SCML4: variants seen among roughly 807,000 people sequenced by gnomAD.
The protein encoded by SCML4 is sex comb on midleg-like protein 4.
In SCML4, 34 loss-of-function variants were observed where a neutral mutation model predicts 41.1. The observed-to-expected ratio is 0.83, with a 90% CI of 0.63 to 1.10. SCML4 has a LOEUF of 1.10. Ranked by LOEUF, SCML4 falls within the 50% of genes least tolerant of loss-of-function variation. SCML4 has a pLI of 0.00. For missense variants in SCML4, 522 were observed against 534.1 expected, an observed-to-expected ratio of 0.98 and a Z score of 0.22; for synonymous variants, 214 against 220.9, an observed-to-expected ratio of 0.97 and a Z score of 0.28.
At chr6:107,752,894 A>T (rs1428989833) in intron 2 of SCML4, among the ~76,000 whole-genome samples, 1 of 152,188 alleles carries the variant, frequency 6.6e-6, no homozygotes, top group Non-Finnish European at 1.5e-5. Context: ...GGGCATGGGA[A>T]ATGCAATTGA....
At chr6:107,778,222 A>AAAAAAATAT (rs1554218145) in intron 1 of SCML4, among the ~76,000 whole-genome samples, 3 of 15,526 alleles carry the variant, frequency 1.9e-4, no homozygotes, top group Non-Finnish European at 4.6e-4. Flanking sequence ...AAAAAAAAAA[A>AAAAAAATAT]ATATATATAT....
intron 6 of SCML4, among the ~76,000 whole-genome samples, chr6:107,717,452 C>T (rs6568486): frequency 0.65 from 99,322 of 152,036 alleles, 33,505 homozygotes; most frequent in Admixed American, 0.77. Flanking sequence ...GGTGGCTTTG[C>T]GATTTTAAAC....
chr6:107,727,941 GGCATGAT>G (rs757184645), intron 5 of SCML4, among the ~76,000 whole-genome samples: 4 of 152,170 alleles, frequency 2.6e-5, no homozygotes, highest in Non-Finnish European at 5.9e-5. Context: ...TGCAGTATCT[GGCATGAT>G]GCCTGGAATA....
rs946704372 is a variant in SCML4 at position 107,775,982 on chromosome 6, T to A, written c.-59-3596A>T. Among the ~76,000 whole-genome samples the A allele has an allele frequency of 1.6e-4, 24 of 152,120 alleles. 1 individual carries two copies. Among genetic ancestry groups the A allele is most frequent in the East Asian group, 3.9e-4 (2 of 5,182 alleles). The stretch of plus-strand genomic sequence containing the variant: ...AATAAATAAAATTTTACCTATATTT[T>A]AAAAAAATATTTTTAGAAATTCCCA... On this transcript the variant is annotated intron_variant, in intron 1 of 7. Coordinates refer to ENST00000369020, the MANE Select transcript of SCML4 (RefSeq NM_198081.5).
chr6:107,810,492 T>C (rs1321030132), intron 1 of SCML4, among the ~76,000 whole-genome samples: 1 of 152,034 alleles, frequency 6.6e-6, no homozygotes, highest in East Asian at 1.9e-4. Flanking sequence ...CAGTTCTTCT[T>C]TAAAAGGGAT....
intron 6 of SCML4, among the ~76,000 whole-genome samples, chr6:107,714,513 A>T (rs1774556896): frequency 6.6e-6 from 1 of 152,190 alleles, no homozygotes; most frequent in South Asian, 2.1e-4. Context: ...TCACAATTGT[A>T]ATGAAATTAG....
intron 2 of SCML4, among the ~76,000 whole-genome samples, chr6:107,768,790 G>A (rs1009278909): frequency 1.3e-5 from 2 of 152,126 alleles, no homozygotes; most frequent in South Asian, 2.1e-4. Context: ...TTTTATTGGG[G>A]ACAAACAACT....
chr6:107,818,488 A>G (rs1784712294), intron 1 of SCML4, among the ~76,000 whole-genome samples: 1 of 152,222 alleles, frequency 6.6e-6, no homozygotes. Flanking sequence ...TTAATAGCTA[A>G]TTGTTTGATA....
rs1015264813 is a variant in SCML4 at position 107,799,654 on chromosome 6, A to G, written c.-60+24472T>C. 2.0e-5 allele frequency among the ~76,000 whole-genome samples: 3 copies of G among 151,900 alleles called. No homozygotes were observed. The East Asian group carries it at 5.8e-4, about 29-fold the overall frequency. ...CTCTTTTCCTGCCTTCTTTTGAATT[A>G]GTTTTTTTATAATTTCTTTTCATCT... On this transcript the variant is annotated intron_variant, in intron 1 of 7. Coordinates refer to ENST00000369020, the MANE Select transcript of SCML4 (RefSeq NM_198081.5).
chr6:107,744,925 T>G (rs1777924743), intron 5 of SCML4, 24 bp downstream of exon 5: 1 of 1,540,048 alleles, frequency 6.5e-7, no homozygotes, highest in Non-Finnish European at 8.8e-7. Flanking sequence ...TCCCTGCAGG[T>G]GGGGGAAGCA....
At chr6:107,766,954 T>C (rs35068414) in intron 2 of SCML4, among the ~76,000 whole-genome samples, 36,792 of 148,376 alleles carry the variant, frequency 0.25, 5,789 homozygotes, top group African/African-American at 0.46. Flanking sequence ...AAGCTATTTT[T>C]TTTTTTTTTT....
chr6:107,716,183 C>A (rs542268749), intron 6 of SCML4, among the ~76,000 whole-genome samples: 68 of 152,264 alleles, frequency 4.5e-4, no homozygotes, highest in African/African-American at 1.6e-3. Flanking sequence ...ATATAGAACC[C>A]CACTCTGCAA....
At chr6:107,763,819 C>A (rs1562232233) in intron 2 of SCML4, among the ~76,000 whole-genome samples, 4 of 152,186 alleles carry the variant, frequency 2.6e-5, no homozygotes, top group African/African-American at 9.7e-5. Context: ...GCACCTTGAT[C>A]TTGGACTTTA....
At chr6:107,802,943 G>A (rs1410687682) in intron 1 of SCML4, among the ~76,000 whole-genome samples, 11 of 151,756 alleles carry the variant, frequency 7.2e-5, no homozygotes, top group African/African-American at 2.4e-4. Context: ...ACGGGTTTTC[G>A]CTGTGTTGGC....
intron 1 of SCML4, among the ~76,000 whole-genome samples, chr6:107,810,998 G>A (rs1784120109): frequency 6.6e-6 from 1 of 152,092 alleles, no homozygotes; most frequent in African/African-American, 2.4e-5. Flanking sequence ...TAATAAGGAT[G>A]GGGCCCTAAT....
upstream of SCML4, among the ~76,000 whole-genome samples, chr6:107,826,303 GA>G (rs11337685): frequency 0.28 from 42,231 of 150,654 alleles, 8,713 homozygotes; most frequent in African/African-American, 0.59. Flanking sequence ...AGAAAGAAAA[GA>G]AAAAGAAGAA....
chr6:107,831,540 A>G, the SCML4 span, among the ~76,000 whole-genome samples: 11 of 152,148 alleles, frequency 7.2e-5, no homozygotes. Flanking sequence ...GCTACAAGTG[A>G]ACCTAGAGAC....
intron 2 of SCML4, among the ~76,000 whole-genome samples, chr6:107,763,244 G>A (rs917237965): frequency 3.9e-5 from 6 of 151,934 alleles, no homozygotes; most frequent in Non-Finnish European, 7.4e-5. Flanking sequence ...TGGACTGAAT[G>A]TTTGTGTACC....
At chr6:107,720,609 A>C in intron 6 of SCML4, 94 bp downstream of exon 6, 1 of 1,448,154 alleles carries the variant, frequency 6.9e-7, no homozygotes, top group Non-Finnish European at 9.1e-7. Flanking sequence ...CCCACGTTTA[A>C]ACAGCCACAC....
Sources: gnomAD v4.1 joint callset for allele counts (sites outside exome capture counted in the v4.1 genomes callset) on GRCh38, gnomAD v4.1.1 for gene constraint, MANE v1.5 for transcripts, NCBI Gene and HGNC (gene_info 2026-07-23, HGNC 2026-07-21) for gene names.